The following METTL25 variants were observed in gnomAD, a reference collection of about 807,000 sequenced individuals.
METTL25 encodes the protein probable methyltransferase-like protein 25.
Under a neutral mutation model 71.6 loss-of-function variants are expected in METTL25, and 64 were observed. That is an observed-to-expected ratio of 0.89 (90% CI 0.73 to 1.10). The LOEUF (loss-of-function observed/expected upper bound fraction) is 1.10, where lower values mean the gene tolerates loss of function less well. METTL25 is among the 50% of genes least tolerant of loss of function. METTL25 has a pLI of 0.00. For synonymous variants in METTL25, 287 were observed against 250.3 expected, an observed-to-expected ratio of 1.15 and a Z score of -1.38; for missense variants, 807 against 707.0, an observed-to-expected ratio of 1.14 and a Z score of -1.60.
Position 82,452,513 on chromosome 12 carries a change from G to A in METTL25, c.1479-4214G>A, listed in dbSNP as rs890357210. On this transcript the variant is annotated intron_variant, in intron 8 of 11. Coordinates refer to ENST00000248306, the MANE Select transcript of METTL25 (RefSeq NM_032230.3). ...GCAGGACCCTGTTTCTAAATTACAT[G>A]AATGAATAAATAATTTTTAATCACA... 4.2e-4 allele frequency among the ~76,000 whole-genome samples: 64 copies of A among 152,122 alleles called. 2 individuals carry two copies. The highest frequency in any genetic ancestry group is 5.9e-5 in the Non-Finnish European group (4 of 68,012).
chr12:82,424,019 A>C (rs1455420318), intron 5 of METTL25, among the ~76,000 whole-genome samples: 2 of 152,198 alleles, frequency 1.3e-5, no homozygotes, highest in Non-Finnish European at 2.9e-5. Context: ...CATTTGACCC[A>C]GCCATCCCAT....
chr12:82,373,176 A>G (rs1883453119), intron 1 of METTL25, among the ~76,000 whole-genome samples: 1 of 152,060 alleles, frequency 6.6e-6, no homozygotes, highest in Non-Finnish European at 1.5e-5. Context: ...TCCTATAAAT[A>G]TGTTATGCCC....
rs1418365151 is a variant in METTL25, at chr12:82,434,763, C to T, written c.1404+39C>T. The T allele has an allele frequency of 8.4e-6, 13 of 1,551,954 alleles. No homozygotes were observed. In the African/African-American group the frequency reaches 1.8e-4, roughly 21 times the overall value. On this transcript the variant is annotated intron_variant, in intron 7 of 11. Coordinates refer to ENST00000248306, the MANE Select transcript of METTL25 (RefSeq NM_032230.3). The stretch of plus-strand genomic sequence containing the variant: ...TTAACTGATGAACACGACAGTTTTT[C>T]TCTCAAGTACTCTTCATACTTGACC...
chr12:82,425,004 T>C (rs1888892585), intron 5 of METTL25, among the ~76,000 whole-genome samples: 1 of 152,064 alleles, frequency 6.6e-6, no homozygotes, highest in Admixed American at 6.6e-5. Flanking sequence ...TCTTAAGCCA[T>C]CCAGTTTGTG....
At chr12:82,459,829 C>T (rs1410308033) in intron 9 of METTL25, 1 of 152,064 alleles carries the variant, frequency 6.6e-6, no homozygotes, top group Admixed American at 6.6e-5. Context: ...GAAATCATAC[C>T]TAAAAGTAAT....
At chr12:82,433,918 AT>A (rs1191157447) in intron 6 of METTL25, among the ~76,000 whole-genome samples, 39 of 151,540 alleles carry the variant, frequency 2.6e-4, no homozygotes, top group African/African-American at 9.2e-4. Context: ...TTAGCTAAAA[AT>A]TATATATATT....
intron 1 of METTL25, among the ~76,000 whole-genome samples, chr12:82,381,439 C>T (rs1235131595): frequency 6.6e-6 from 1 of 152,078 alleles, no homozygotes. Flanking sequence ...TAATTTTATT[C>T]CTTCTAAGAG....
At chr12:82,467,286 CTT>C (rs1482938716) in intron 9 of METTL25, among the ~76,000 whole-genome samples, 1 of 151,938 alleles carries the variant, frequency 6.6e-6, no homozygotes, top group African/African-American at 2.4e-5. Flanking sequence ...TTGCTTACCT[CTT>C]ATTTATTTTT....
intron 9 of METTL25, among the ~76,000 whole-genome samples, chr12:82,468,146 T>C (rs1021354084): frequency 1.3e-5 from 2 of 152,120 alleles, no homozygotes; most frequent in African/African-American, 4.8e-5. Flanking sequence ...CTTTGCTAAA[T>C]TTTTTAAAAT....
chr12:82,427,660 T>C (rs973377793), intron 5 of METTL25, among the ~76,000 whole-genome samples: 1 of 151,932 alleles, frequency 6.6e-6, no homozygotes, highest in Non-Finnish European at 1.5e-5. Context: ...AAATCTCTGC[T>C]CAAATAGCAC....
intron 8 of METTL25, among the ~76,000 whole-genome samples, chr12:82,439,287 G>A (rs1016532148): frequency 4.0e-5 from 6 of 151,598 alleles, no homozygotes; most frequent in African/African-American, 1.5e-4. Flanking sequence ...TATTCCTGTT[G>A]CCCCTAAATA....
intron 9 of METTL25, among the ~76,000 whole-genome samples, chr12:82,474,956 A>T (rs934357363): frequency 3.3e-5 from 5 of 152,204 alleles, no homozygotes; most frequent in African/African-American, 4.8e-5. Flanking sequence ...ACGGTTACAG[A>T]TCTCAGACAA....
intron 6 of METTL25, among the ~76,000 whole-genome samples, chr12:82,432,933 A>T (rs1889633396): frequency 6.6e-6 from 1 of 151,332 alleles, no homozygotes; most frequent in African/African-American, 2.4e-5. Flanking sequence ...ACAGTTAAGG[A>T]TACTAACCAG....
chr12:82,447,481 T>C (rs1040352302), intron 8 of METTL25, among the ~76,000 whole-genome samples: 11 of 152,100 alleles, frequency 7.2e-5, no homozygotes, highest in African/African-American at 2.7e-4. Context: ...TTAACTGAAA[T>C]CTCAGAAAAA....
chr12:82,373,481 G>T (rs564815355), intron 1 of METTL25, among the ~76,000 whole-genome samples: 1 of 152,262 alleles, frequency 6.6e-6, no homozygotes, highest in African/African-American at 2.4e-5. Flanking sequence ...CATTCATATA[G>T]GAGAAACTAG....
At chr12:82,383,763 TTA>T (rs1003542951) in intron 1 of METTL25, among the ~76,000 whole-genome samples, 3 of 152,254 alleles carry the variant, frequency 2.0e-5, no homozygotes, top group South Asian at 2.1e-4. Flanking sequence ...TTTTAAAATA[TTA>T]TATGTTTTTC....
At chr12:82,396,294 A>G (rs915325478) in intron 3 of METTL25, among the ~76,000 whole-genome samples, 1 of 152,102 alleles carries the variant, frequency 6.6e-6, no homozygotes, top group Non-Finnish European at 1.5e-5. Flanking sequence ...CTATCCTAGA[A>G]TAATAACATA....
intron 5 of METTL25, among the ~76,000 whole-genome samples, chr12:82,420,647 A>T (rs1244667120): frequency 2.0e-5 from 3 of 152,164 alleles, no homozygotes; most frequent in African/African-American, 7.2e-5. Context: ...GTACTCAATA[A>T]ATATATATAA....
chr12:82,460,719 A>G (rs1891807997), intron 9 of METTL25, among the ~76,000 whole-genome samples: 7 of 152,242 alleles, frequency 4.6e-5, no homozygotes, highest in Admixed American at 4.6e-4. Context: ...AAGAGGACTA[A>G]TTGCAGTGTG....
Sources: gnomAD v4.1 joint callset for allele counts (sites outside exome capture counted in the v4.1 genomes callset) on GRCh38, gnomAD v4.1.1 for gene constraint, MANE v1.5 for transcripts, NCBI Gene and HGNC (gene_info 2026-07-23, HGNC 2026-07-21) for gene names.